CSRNP3: variants seen among roughly 807,000 people sequenced by gnomAD.
CSRNP3 encodes cysteine and serine rich nuclear protein 3.
In CSRNP3, 12 loss-of-function variants were observed where a neutral mutation model predicts 48.0. The observed-to-expected ratio is 0.25, with a 90% confidence interval of 0.16 to 0.41. CSRNP3 has a LOEUF of 0.41. Ranked by LOEUF, CSRNP3 falls within the 10% of genes least tolerant of loss-of-function variation. The pLI is 1.00. For missense variants in CSRNP3, 580 were observed against 724.4 expected, an observed-to-expected ratio of 0.80 and a Z score of 2.29; for synonymous variants, 263 against 269.7, an observed-to-expected ratio of 0.98 and a Z score of 0.24.
chr2:165,631,003 T>G (rs1686524732), intron 4 of CSRNP3, among the ~76,000 whole-genome samples: 1 of 152,224 alleles, frequency 6.6e-6, no homozygotes, highest in Non-Finnish European at 1.5e-5. Flanking sequence ...TTTCATTATG[T>G]TCAAAAATAA....
intron 3 of CSRNP3, among the ~76,000 whole-genome samples, chr2:165,537,642 A>C (rs1684898407): frequency 6.6e-6 from 1 of 151,730 alleles, no homozygotes; most frequent in African/African-American, 2.4e-5. Flanking sequence ...TTTTTTAAAA[A>C]TTTCATTTAT....
rs1216974477 is a variant in CSRNP3, at chr2:165,684,228, T to A, written c.*4475T>A. ...TTGCAGCAGGTGGAAAACAGAGAGG[T>A]TGTTAGACTCCATCACTTTCAGCTG... On this transcript the variant is annotated 3_prime_UTR_variant, in exon 7 of 7. Transcript: ENST00000651982. 1 of 152,076 alleles carries A rather than the reference T, an allele frequency of 6.6e-6. No individual in the cohort carries two copies. The highest frequency in any genetic ancestry group is 1.5e-5 in the Non-Finnish European group (1 of 67,982). The allele number at this position is 152,076 out of a possible 1,614,324, so 9.4% of individuals were successfully genotyped here.
chr2:165,572,840 A>G (rs539371522), intron 3 of CSRNP3, among the ~76,000 whole-genome samples: 10 of 152,202 alleles, frequency 6.6e-5, no homozygotes, highest in Non-Finnish European at 1.3e-4. Flanking sequence ...TAAGAAATAA[A>G]TTCATCCAAT....
At chr2:165,678,172 A>G (rs1687459765) in intron 6 of CSRNP3, among the ~76,000 whole-genome samples, 1 of 152,228 alleles carries the variant, frequency 6.6e-6, no homozygotes, top group African/African-American at 2.4e-5. Flanking sequence ...AGTCCATTTT[A>G]TAATAAGCAA....
At chr2:165,492,668 T>C (rs1684230346) in intron 1 of CSRNP3, among the ~76,000 whole-genome samples, 1 of 149,820 alleles carries the variant, frequency 6.7e-6, no homozygotes, top group Non-Finnish European at 1.5e-5. Flanking sequence ...TATTTTCTTC[T>C]TATTATTTGT....
At chr2:165,644,449 A>T (rs1287263865) in intron 4 of CSRNP3, among the ~76,000 whole-genome samples, 6 of 152,204 alleles carry the variant, frequency 3.9e-5, no homozygotes, top group Admixed American at 3.3e-4. Flanking sequence ...ATGCTTATGT[A>T]TTTAGCCCAT....
At chr2:165,602,588 T>C (rs897333731) in intron 4 of CSRNP3, among the ~76,000 whole-genome samples, 1 of 152,210 alleles carries the variant, frequency 6.6e-6, no homozygotes, top group South Asian at 2.1e-4. Flanking sequence ...AAATAGTCAC[T>C]TGGATATGCA....
chr2:165,494,510 C>T (rs1477461286), intron 1 of CSRNP3, among the ~76,000 whole-genome samples: 1 of 152,062 alleles, frequency 6.6e-6, no homozygotes, highest in Admixed American at 6.6e-5. Flanking sequence ...TCTCCTTATG[C>T]AGCAAATATA....
At chr2:165,492,405 A>T (rs991096300) in intron 1 of CSRNP3, among the ~76,000 whole-genome samples, 1 of 152,066 alleles carries the variant, frequency 6.6e-6, no homozygotes, top group Non-Finnish European at 1.5e-5. Context: ...GTCTGACCTT[A>T]TCACCCACTG....
chr2:165,564,122 G>A lies in CSRNP3; in HGVS notation c.-23-30921G>A, dbSNP rs2105269156. On this transcript the variant is annotated intron_variant, in intron 3 of 6. Coordinates refer to ENST00000651982, the MANE Select transcript of CSRNP3 (RefSeq NM_001172173.2). ...GAAGCAAATTTAGAAGAGCAGCATAGTGTGTGATTTCTTACAGAAAATTTT... is the reference window on the plus strand; with the variant it reads ...GAAGCAAATTTAGAAGAGCAGCATAATGTGTGATTTCTTACAGAAAATTTT... 1.3e-5 allele frequency among the ~76,000 whole-genome samples: 2 copies of A among 152,174 alleles called. 1 individual carries two copies. Among genetic ancestry groups the A allele is most frequent in the Middle Eastern group, 6.8e-3 (2 of 294 alleles).
chr2:165,472,457 A>G (rs1270956988), intron 1 of CSRNP3, among the ~76,000 whole-genome samples: 2 of 152,050 alleles, frequency 1.3e-5, no homozygotes, highest in Non-Finnish European at 2.9e-5. Flanking sequence ...TTTCTTTGAA[A>G]ATAAACATTA....
chr2:165,480,150 T>C (rs967889886), intron 1 of CSRNP3, among the ~76,000 whole-genome samples: 5 of 152,200 alleles, frequency 3.3e-5, no homozygotes, highest in East Asian at 1.9e-4. Context: ...GACCCTTTCC[T>C]ACTTCACGTC....
chr2:165,579,596 A>G (rs1328445736), intron 3 of CSRNP3, among the ~76,000 whole-genome samples: 9 of 152,188 alleles, frequency 5.9e-5, no homozygotes, highest in African/African-American at 2.2e-4. Context: ...GAAAGTGTCC[A>G]AGAAATGTTT....
At chr2:165,583,997 C>T (rs1462252897) in intron 3 of CSRNP3, among the ~76,000 whole-genome samples, 1 of 152,040 alleles carries the variant, frequency 6.6e-6, no homozygotes, top group African/African-American at 2.4e-5. Context: ...AGGAGGAACG[C>T]GTCCACCTTA....
intron 3 of CSRNP3, among the ~76,000 whole-genome samples, chr2:165,550,934 C>T (rs1337925623): frequency 6.6e-6 from 1 of 152,128 alleles, no homozygotes; most frequent in Non-Finnish European, 1.5e-5. Context: ...AGCTTTACCA[C>T]ATAACCTGCC....
chr2:165,527,444 A>G (rs1684751851), intron 3 of CSRNP3, among the ~76,000 whole-genome samples: 1 of 151,838 alleles, frequency 6.6e-6, no homozygotes, highest in Non-Finnish European at 1.5e-5. Context: ...TGACCTCGTG[A>G]TCCGTCCTGC....
chr2:165,678,350 A>G (rs1022340270), intron 6 of CSRNP3, among the ~76,000 whole-genome samples: 5 of 152,164 alleles, frequency 3.3e-5, no homozygotes, highest in Non-Finnish European at 7.4e-5. Context: ...TGGGGGAAAG[A>G]CAGGAGCATT....
At chr2:165,484,811 G>T (rs749464341) in intron 1 of CSRNP3, among the ~76,000 whole-genome samples, 3 of 151,954 alleles carry the variant, frequency 2.0e-5, no homozygotes, top group Non-Finnish European at 4.4e-5. Flanking sequence ...TTACAACATC[G>T]CAATTTTGGT....
At chr2:165,579,187 A>G (rs912295707) in intron 3 of CSRNP3, among the ~76,000 whole-genome samples, 2 of 152,148 alleles carry the variant, frequency 1.3e-5, no homozygotes, top group African/African-American at 4.8e-5. Flanking sequence ...TGTTTTCCAA[A>G]AATAGAAACC....
Sources: allele counts gnomAD v4.1 joint callset (sites outside exome capture counted in the v4.1 genomes callset), GRCh38; gene constraint gnomAD v4.1.1; transcripts MANE v1.5; gene names NCBI Gene and HGNC (gene_info 2026-07-23, HGNC 2026-07-21).